Variants in XG observed in about 807,000 individuals in gnomAD.
XG encodes Xg glycoprotein (Xg blood group), also known as glycoprotein Xg.
In XG, 24 loss-of-function variants were observed where a neutral mutation model predicts 25.7. The observed-to-expected ratio is 0.93, with a 90% CI of 0.68 to 1.31. The LOEUF (loss-of-function observed/expected upper bound fraction) is 1.31. XG is among the 40% of genes most tolerant of loss of function. XG has a pLI of 0.00. For missense variants in XG, 181 were observed against 187.6 expected (o/e 0.96, Z 0.21); for synonymous variants, 77 against 69.2 (o/e 1.11, Z -0.56).
At chrX:2,788,020 G>A (rs2086801516) in intron 4 of XG, among the ~76,000 whole-genome samples, 1 of 110,645 alleles carries the variant, frequency 9.0e-6, no homozygotes, top group Admixed American at 9.6e-5. Context: ...AGGAGGTGGA[G>A]GCTGCAGTGA....
At chrX:2,800,709 C>A (rs1278734256) in intron 7 of XG, among the ~76,000 whole-genome samples, 1 of 111,593 alleles carries the variant, frequency 9.0e-6, no homozygotes, top group South Asian at 3.7e-4. Flanking sequence ...TACTTTTGGC[C>A]GGGCATGGTG....
In XG at chrX:2,797,236, C is replaced by T. The variant is rs1022186833; in HGVS notation, c.323-74C>T. ...TTGTTGCCATTCCCAATGAGCTGGACAGACCAACACCTGCAGGAAACCCCA... is the reference window on the plus strand; with the variant it reads ...TTGTTGCCATTCCCAATGAGCTGGATAGACCAACACCTGCAGGAAACCCCA... On this transcript the variant is annotated intron_variant, in intron 6 of 10. Coordinates refer to ENST00000644266, the MANE Select transcript of XG (RefSeq NM_001141919.2). 4 of 1,089,554 alleles carry T rather than the reference C, an allele frequency of 3.7e-6. No individual in the cohort carries two copies. In the African/African-American group the frequency reaches 5.5e-5, roughly 15 times the overall value. The allele number at this position is 1,089,554 out of a possible 1,213,427, so 89.8% of individuals were successfully genotyped here.
chrX:2,769,836 G>A (rs1365465620), intron 1 of XG, among the ~76,000 whole-genome samples: 1 of 152,152 alleles, frequency 6.6e-6, no homozygotes, highest in East Asian at 1.9e-4. Context: ...GTGTAGGCTA[G>A]CTGCTATAAC....
At chrX:2,769,190 T>C (rs2050762603) in intron 1 of XG, among the ~76,000 whole-genome samples, 1 of 152,230 alleles carries the variant, frequency 6.6e-6, no homozygotes, top group African/African-American at 2.4e-5. Context: ...CGAATCTATG[T>C]TGGAGCCCTT....
chrX:2,812,798 A>C (rs1168426230), intron 10 of XG, among the ~76,000 whole-genome samples: 10 of 111,705 alleles, frequency 9.0e-5, no homozygotes, highest in African/African-American at 3.3e-4. Context: ...GCCATCATTA[A>C]CGAACACCAC....
chrX:2,812,065 G>A (rs2087062834), intron 10 of XG, among the ~76,000 whole-genome samples: 1 of 72,234 alleles, frequency 1.4e-5, no homozygotes, highest in African/African-American at 4.1e-5. Flanking sequence ...TAAGCATGAC[G>A]GTTGGTTTAA....
intron 2 of XG, among the ~76,000 whole-genome samples, chrX:2,770,885 G>C (rs1006004459): frequency 3.9e-5 from 6 of 151,986 alleles, no homozygotes. Flanking sequence ...TCGTTCTGAT[G>C]CCCAGACTGG....
At position 2,800,246 on chromosome X, in the gene XG, T is replaced by A. The variant is rs368161180; in HGVS notation, c.373+2886T>A. ...GGGGTCCTTGTTATGCAGATGAAGGTTCCCAGGTAGCAGCGCTCAGAGACG... is the reference window on the plus strand; with the variant it reads ...GGGGTCCTTGTTATGCAGATGAAGGATCCCAGGTAGCAGCGCTCAGAGACG... On this transcript the variant is annotated intron_variant, in intron 7 of 10. Transcript: ENST00000644266. 6.3e-5 allele frequency among the ~76,000 whole-genome samples: 7 copies of A among 110,712 alleles called. No individual in the cohort carries two copies. In the East Asian group the frequency reaches 2.0e-3, roughly 32 times the overall value.
chrX:2,759,541 A>C (rs1233055533), intron 1 of XG, among the ~76,000 whole-genome samples: 3 of 152,226 alleles, frequency 2.0e-5, no homozygotes, highest in East Asian at 3.8e-4. Flanking sequence ...CATATAACCC[A>C]GAAGCTGAGC....
chrX:2,755,379 A>G (rs1328528895), intron 1 of XG, among the ~76,000 whole-genome samples: 1 of 152,056 alleles, frequency 6.6e-6, no homozygotes, highest in Admixed American at 6.6e-5. Flanking sequence ...GGTATTTGTA[A>G]TTGTCATGGT....
rs187552135 is a variant in XG at position 2,764,120 on chromosome X, C to T, written c.62-6430C>T. ...TCCAAGATGGCGATGAGAGTGACCT[C>T]GGGTGGTCCTCACTTGTGTCTTCCC... On this transcript the variant is annotated intron_variant, in intron 1 of 10. Coordinates refer to ENST00000644266, the MANE Select transcript of XG (RefSeq NM_001141919.2). Among the ~76,000 whole-genome samples the T allele has an allele frequency of 3.7e-3, 570 of 152,230 alleles. 1 individual carries two copies. The highest frequency in any genetic ancestry group is 0.013 in the African/African-American group (545 of 41,530).
chrX:2,765,050 A>G (rs1309243755), intron 1 of XG, among the ~76,000 whole-genome samples: 5 of 128,388 alleles, frequency 3.9e-5, no homozygotes, highest in Middle Eastern at 6.2e-3. Flanking sequence ...CCAAAAAAAA[A>G]AAAAAAAAAA....
chrX:2,794,146 C>T (rs778196808), intron 5 of XG, among the ~76,000 whole-genome samples: 1 of 110,745 alleles, frequency 9.0e-6, no homozygotes. Context: ...GCAGGAGCAA[C>T]GGGGAACATC....
intron 5 of XG, among the ~76,000 whole-genome samples, chrX:2,793,294 T>C (rs1192907205): frequency 9.0e-6 from 1 of 111,645 alleles, no homozygotes; most frequent in Non-Finnish European, 1.9e-5. Flanking sequence ...AAGACCTAAT[T>C]ACTTATCTAT....
chrX:2,789,796 T>C (rs191101039), intron 5 of XG, 90 bp downstream of exon 5: 1 of 429,706 alleles, frequency 2.3e-6, no homozygotes, highest in Admixed American at 6.0e-5. Flanking sequence ...TACTTTATTT[T>C]ACCATTTTAT....
rs2087001122 is a variant in XG at position 2,806,717 on chromosome X, A to C, written c.390A>C (p.Arg130Ser). The change falls in exon 8 of 11, where the codon AGA becomes AGC. Residue 130 changes from arginine (R) to serine (S), a missense_variant. Coordinates refer to ENST00000644266, the MANE Select transcript of XG (RefSeq NM_001141919.2). Reference sequence around the variant, plus strand: ...ATCCTGCAGGAAGAGGGGGCTATAGACTCAACTCTCGTTATGGAAATACTT... The same window carrying C: ...ATCCTGCAGGAAGAGGGGGCTATAGCCTCAACTCTCGTTATGGAAATACTT... ...SDNTHGRGGY[R>S]LNSRYGNTYG... The C allele has an allele frequency of 8.7e-7, 1 of 1,148,021 alleles. No individual in the cohort carries two copies. Among genetic ancestry groups the C allele is most frequent in the African/African-American group, 1.8e-5 (1 of 55,161 alleles). The allele number at this position is 1,148,021 out of a possible 1,213,427, so 94.6% of individuals were successfully genotyped here. A position where few individuals can be genotyped will look rare whatever the true frequency, so the allele number is the denominator to read the frequency against.
intron 1 of XG, among the ~76,000 whole-genome samples, chrX:2,764,957 C>G (rs2050643586): frequency 1.4e-5 from 2 of 144,928 alleles, no homozygotes; most frequent in Admixed American, 7.1e-5. Context: ...ACTAGAAGCG[C>G]TCGAACCAGG....
intron 1 of XG, among the ~76,000 whole-genome samples, chrX:2,760,320 T>C (rs1200739849): frequency 6.6e-6 from 1 of 152,110 alleles, no homozygotes; most frequent in Non-Finnish European, 1.5e-5. Flanking sequence ...CCCATTGTAA[T>C]TGACCATGTT....
Position 2,766,618 on chromosome X carries a change from GTA to G in XG, c.62-3931_62-3930del, listed in dbSNP as rs1313616360. On this transcript the variant is annotated intron_variant, in intron 1 of 10. Coordinates refer to ENST00000644266, the MANE Select transcript of XG (RefSeq NM_001141919.2). ...CTTGCTCTGTCACCCAGGCTGGAGT[GTA>G]CTGGTGTGAACTCGGCTCACTGCAA... Among the ~76,000 whole-genome samples the G allele has an allele frequency of 1.7e-4, 24 of 137,986 alleles. No homozygotes were observed. In the East Asian group the frequency reaches 4.1e-3, roughly 23 times the overall value. 90.5% of individuals were successfully genotyped at this position (137,986 alleles called of 152,430 possible).
Sources: gnomAD v4.1 joint callset for allele counts (sites outside exome capture counted in the v4.1 genomes callset) on GRCh38, gnomAD v4.1.1 for gene constraint, MANE v1.5 for transcripts, NCBI Gene and HGNC (gene_info 2026-07-23, HGNC 2026-07-21) for gene names.